The following ALDH6A1 variants were observed in gnomAD, a reference collection of about 807,000 sequenced individuals.
The protein encoded by ALDH6A1 is aldehyde dehydrogenase 6 family member A1.
A neutral mutation model predicts 62.6 loss-of-function variants in ALDH6A1; 43 were observed. The observed-to-expected ratio is 0.69, with a 90% CI of 0.54 to 0.89. ALDH6A1 has a LOEUF of 0.89. Among genes scored for constraint, ALDH6A1 ranks in the 40% least tolerant of loss-of-function variants. ALDH6A1 has a pLI of 0.00. For synonymous variants in ALDH6A1, 194 were observed against 234.2 expected, an observed-to-expected ratio of 0.83 and a Z score of 1.57; for missense variants, 551 against 661.3, an observed-to-expected ratio of 0.83 and a Z score of 1.83.
intron 10 of ALDH6A1, 120 bp from the exon 11 acceptor site, chr14:74,065,040 A>C: frequency 2.2e-6 from 3 of 1,380,292 alleles, no homozygotes; most frequent in Non-Finnish European, 2.0e-6. Context: ...TACCCCATGA[A>C]CTTTCATTCC....
Position 74,059,927 on chromosome 14 carries a change from G to T in ALDH6A1, c.*715C>A, listed in dbSNP as rs1185042156. ...AAACAAAGTGGCATTGAGCAGAAAA[G>T]AAAGAAGCTGTTGCCACAACTTTGG... is the stretch of plus-strand genomic sequence containing the variant. On this transcript the variant is annotated 3_prime_UTR_variant, in exon 12 of 12. Coordinates refer to ENST00000553458, the MANE Select transcript of ALDH6A1 (RefSeq NM_005589.4). 6.5e-6 allele frequency: 1 copy of T among 153,314 alleles called. No individual in the cohort carries two copies. Among genetic ancestry groups the T allele is most frequent in the East Asian group, 1.9e-4 (1 of 5,208 alleles). The allele number at this position is 153,314 out of a possible 1,614,324, so 9.5% of individuals were successfully genotyped here. A position where few individuals can be genotyped will look rare whatever the true frequency, so the allele number is the denominator to read the frequency against.
At chr14:74,084,287 G>C in intron 1 of ALDH6A1, 60 bp downstream of exon 1, 1 of 1,611,374 alleles carries the variant, frequency 6.2e-7, no homozygotes, top group Non-Finnish European at 8.5e-7. Context: ...ATGGCTCAGG[G>C]AGCGGACGGA....
rs2060256688 is a variant in ALDH6A1, at chr14:74,057,989, T to C, written c.*2653A>G. The C allele has an allele frequency of 1.2e-6, 1 of 806,176 alleles. No homozygotes were observed. Among genetic ancestry groups the C allele is most frequent in the Non-Finnish European group, 1.5e-6 (1 of 665,082 alleles). 49.9% of individuals were successfully genotyped at this position (806,176 alleles called of 1,614,324 possible). Reference sequence around the variant, plus strand: ...ATTCCACTTGGAATATAGACAATAATGACCTTTTATTTAACCCAGCCTATA... The same window carrying C: ...ATTCCACTTGGAATATAGACAATAACGACCTTTTATTTAACCCAGCCTATA... On this transcript the variant is annotated 3_prime_UTR_variant, in exon 12 of 12. Transcript: ENST00000553458.
intron 11 of ALDH6A1, among the ~76,000 whole-genome samples, chr14:74,061,729 C>G (rs958991411): frequency 6.6e-6 from 1 of 152,158 alleles, no homozygotes; most frequent in Non-Finnish European, 1.5e-5. Flanking sequence ...TACAAATTCA[C>G]TTCTCAATTA....
chr14:74,072,547 A>G lies in ALDH6A1; in HGVS notation c.176T>C (p.Ile59Thr), dbSNP rs747261685. ...VESKSDKWIDIHNPATNEVIG... is the reference protein window; with the variant it reads ...VESKSDKWIDTHNPATNEVIG... ...AGCAGCTTCGCTTACTGGGTTGTGG[A>G]TATCGATCCATTTGTCACTTTTGGA... Residue 59 changes from isoleucine to threonine, a missense_variant, in exon 3 of 12, where the codon ATC becomes ACC. Coordinates refer to ENST00000553458, the MANE Select transcript of ALDH6A1 (RefSeq NM_005589.4). 4 of 1,614,176 alleles carry G rather than the reference A, an allele frequency of 2.5e-6. No homozygotes were observed. The South Asian group carries it at 4.4e-5, about 18-fold the overall frequency.
intron 2 of ALDH6A1, among the ~76,000 whole-genome samples, chr14:74,074,121 A>T (rs2060584406): frequency 6.6e-6 from 1 of 150,860 alleles, no homozygotes; most frequent in Non-Finnish European, 1.5e-5. Flanking sequence ...GGCAGCTGGG[A>T]CCATAGGTAC....
rs1188866335 is a variant in ALDH6A1, at chr14:74,074,938, A to G, written c.111+17T>C. ...AATTCCTTCTCAGAAGTCAACCTCT[A>G]TGCCAAATAAACTCACCACTGAAGA... On this transcript the variant is annotated intron_variant, in intron 2 of 11. Transcript: ENST00000553458. The G allele has an allele frequency of 6.2e-7, 1 of 1,613,088 alleles. No homozygotes were observed.
chr14:74,083,417 A>T (rs1273664092), intron 1 of ALDH6A1, among the ~76,000 whole-genome samples: 1 of 152,224 alleles, frequency 6.6e-6, no homozygotes, highest in Non-Finnish European at 1.5e-5. Flanking sequence ...GGCCTCAGGC[A>T]TGCAACTCCT....
chr14:74,070,973 C>T (rs1183831892), intron 6 of ALDH6A1: 1 of 573,254 alleles, frequency 1.7e-6, no homozygotes. Context: ...ATCCATATTT[C>T]TAGTGTCCCA....
At position 74,084,367 on chromosome 14, in the gene ALDH6A1, C is replaced by G; in HGVS notation, c.28G>C (p.Val10Leu). Residue 10 changes from valine (V) to leucine (L), a missense_variant, in exon 1 of 12, where the codon GTG becomes CTG. Physicochemically the swap from Val to Leu is conservative, Grantham distance 32. Transcript: ENST00000553458. The part of the protein sequence containing the change: MAALLAAAA[V>L]RARILQVSSK... The stretch of plus-strand genomic sequence containing the variant: ...CTCGCCTGCAGGATCCGGGCTCGCA[C>G]TGCCGCCGCCGCCAATAGCGCCGCC... 6.2e-7 allele frequency: 1 copy of G among 1,613,026 alleles called. No individual in the cohort carries two copies. Among genetic ancestry groups the G allele is most frequent in the Non-Finnish European group, 8.5e-7 (1 of 1,179,792 alleles).
chr14:74,065,078 G>C (rs1376810718), intron 10 of ALDH6A1, 103 bp downstream of exon 10: 1 of 1,449,112 alleles, frequency 6.9e-7, no homozygotes, highest in African/African-American at 1.4e-5. Context: ...AATGTGGGAG[G>C]TCATGGGGGC....
At chr14:74,079,280 C>G (rs565451434) in intron 1 of ALDH6A1, among the ~76,000 whole-genome samples, 2 of 151,378 alleles carry the variant, frequency 1.3e-5, no homozygotes, top group East Asian at 3.9e-4. Flanking sequence ...AATTTGAGAC[C>G]TGCCTGCACT....
At chr14:74,068,533 G>A (rs920187493) in intron 7 of ALDH6A1, among the ~76,000 whole-genome samples, 12 of 152,120 alleles carry the variant, frequency 7.9e-5, no homozygotes, top group Admixed American at 6.6e-4. Flanking sequence ...GAGGTCAGGA[G>A]ATCGAAACCA....
chr14:74,082,601 T>C (rs999765042), intron 1 of ALDH6A1, among the ~76,000 whole-genome samples: 1 of 152,056 alleles, frequency 6.6e-6, no homozygotes, highest in Non-Finnish European at 1.5e-5. Context: ...GGTTTTACCA[T>C]GTTGGTCAGG....
chr14:74,074,070 T>C (rs7150352), intron 2 of ALDH6A1, among the ~76,000 whole-genome samples: 61,395 of 150,816 alleles, frequency 0.41, 13,733 homozygotes, highest in East Asian at 0.81. Context: ...CTGCAACCTC[T>C]GCCTCCCAGG....
chr14:74,084,299 A>G, intron 1 of ALDH6A1, 48 bp downstream of exon 1: 1 of 1,613,118 alleles, frequency 6.2e-7, no homozygotes, highest in Non-Finnish European at 8.5e-7. Flanking sequence ...GCGGACGGAA[A>G]GGATCCAATT....
At chr14:74,071,770 A>G (rs2060552543) in intron 5 of ALDH6A1, 126 bp downstream of exon 5, 1 of 1,461,076 alleles carries the variant, frequency 6.8e-7, no homozygotes, top group African/African-American at 1.4e-5. Flanking sequence ...TTTCACAAGT[A>G]TTAAAAAAGA....
chr14:74,066,732 A>C lies in ALDH6A1; in HGVS notation c.1197T>G (p.Val399=), dbSNP rs1258714788. 6.2e-7 allele frequency: 1 copy of C among 1,614,154 alleles called. No individual in the cohort carries two copies. The highest frequency in any genetic ancestry group is 1.1e-5 in the South Asian group (1 of 91,080). ...KVKGYENGNF[V]GPTIISNVKP... ...TGACATTCGAGATGATGGTTGGTCC[A>C]ACAAAGTTGCCATTTTCATAGCCTT... Residue 399 remains valine (V), a synonymous_variant, in exon 9 of 12, where the codon GTT becomes GTG. Transcript: ENST00000553458.
chr14:74,068,052 C>T (rs1461595028), intron 7 of ALDH6A1, among the ~76,000 whole-genome samples: 4 of 149,944 alleles, frequency 2.7e-5, no homozygotes, highest in Middle Eastern at 3.5e-3. Flanking sequence ...CAGTAACCAG[C>T]TGAAAGGCAA....
Sources: allele counts gnomAD v4.1 joint callset (sites outside exome capture counted in the v4.1 genomes callset), GRCh38; gene constraint gnomAD v4.1.1; transcripts MANE v1.5; gene names NCBI Gene and HGNC (gene_info 2026-07-23, HGNC 2026-07-21).